The following FANCD2 variants were observed in gnomAD, a reference collection of about 807,000 sequenced individuals.
The protein encoded by FANCD2 is Fanconi anemia group D2 protein.
A neutral mutation model predicts 192.3 loss-of-function variants in FANCD2; 131 were observed. The observed-to-expected ratio is 0.68, with a 90% CI of 0.59 to 0.79. The LOEUF (loss-of-function observed/expected upper bound fraction) is 0.79. Ranked by LOEUF, FANCD2 falls within the 30% of genes least tolerant of loss-of-function variation. FANCD2 has a pLI of 0.00. For missense variants in FANCD2, 1,508 were observed against 1,701.6 expected (o/e 0.89, Z 2.00); for synonymous variants, 524 against 612.5 (o/e 0.86, Z 2.13).
chr3:10,026,978 C>CTG (rs35096513), intron 1 of FANCD2, among the ~76,000 whole-genome samples: 34,284 of 152,054 alleles, frequency 0.23, 4,985 homozygotes, highest in African/African-American at 0.42. Context: ...TGAAGCCAGA[C>CTG]TCCGAGTTAG....
intron 3 of FANCD2, among the ~76,000 whole-genome samples, chr3:10,033,463 G>T (rs2086651633): frequency 6.6e-6 from 1 of 151,962 alleles, no homozygotes; most frequent in African/African-American, 2.4e-5. Context: ...TATGTCTTAA[G>T]TAAAGCATTT....
chr3:10,082,041 A>G (rs1312184843), intron 32 of FANCD2, among the ~76,000 whole-genome samples: 2 of 152,210 alleles, frequency 1.3e-5, no homozygotes, highest in Non-Finnish European at 2.9e-5. Flanking sequence ...TTTCTGAGCT[A>G]TAGGCATTTA....
chr3:10,034,859 C>A, intron 5 of FANCD2, 61 bp downstream of exon 5: 1 of 1,200,844 alleles, frequency 8.3e-7, no homozygotes, highest in Non-Finnish European at 1.2e-6. Flanking sequence ...CTTCATGGGG[C>A]TGGGGAGGGA....
rs1398763985 is a variant in FANCD2 at position 10,081,388 on chromosome 3, G to A, written c.3148G>A (p.Val1050Met). The A allele has an allele frequency of 1.2e-6, 2 of 1,614,174 alleles. No homozygotes were observed. The highest frequency in any genetic ancestry group is 8.5e-7 in the Non-Finnish European group (1 of 1,180,010). ...ENHGVVDGPGVKVQEYHIMSS... is the reference protein window; with the variant it reads ...ENHGVVDGPGMKVQEYHIMSS... ...TCACGGTGTAGTTGATGGACCAGGA[G>A]TGAAAGTTCAGGAGTACCACATAAT... Residue 1050 changes from valine to methionine, a missense_variant, in exon 32 of 44, where the codon GTG becomes ATG. Around this residue, in one of 5 missense-constraint regions of FANCD2, gnomAD observed 796 missense variants for 879.4 expected, o/e 0.91. Transcript: ENST00000675286.
At chr3:10,051,381 A>C (rs1257676537) in intron 17 of FANCD2, among the ~76,000 whole-genome samples, 2 of 2,042 alleles carry the variant, frequency 9.8e-4, no homozygotes, top group Non-Finnish European at 2.1e-3. Context: ...ACTCCGTCTC[A>C]AAAAAAAAAA....
chr3:10,099,200 G>C (rs1423715130), intron 43 of FANCD2: 2 of 1,384,132 alleles, frequency 1.4e-6, no homozygotes, highest in South Asian at 1.6e-5. Context: ...AAATAGAAAT[G>C]TGAAAGCATT....
chr3:10,074,088 G>A (rs1374655036), intron 28 of FANCD2, among the ~76,000 whole-genome samples: 1 of 152,146 alleles, frequency 6.6e-6, no homozygotes, highest in African/African-American at 2.4e-5. Flanking sequence ...TGGGATTACA[G>A]GTATGCACCA....
rs1575787379 is a variant in FANCD2, at chr3:10,062,180, G to C, written c.1796G>C (p.Arg599Thr). ...RSESPSLTQE[R>T]ANLSDEQCTQ... ...GAATCACCTAGTTTGACCCAAGAGAGAGCCAACCTGAGCGATGAGCAGTGC... is the reference window on the plus strand; with the variant it reads ...GAATCACCTAGTTTGACCCAAGAGACAGCCAACCTGAGCGATGAGCAGTGC... Residue 599 changes from arginine to threonine, a missense_variant, in exon 20 of 44, where the codon AGA (arginine) becomes ACA (threonine). Physicochemically the swap from Arg to Thr is moderately conservative, Grantham distance 71. Transcript: ENST00000675286. 1 of 1,613,018 alleles carries C rather than the reference G, an allele frequency of 6.2e-7. No individual in the cohort carries two copies. The highest frequency in any genetic ancestry group is 1.1e-5 in the South Asian group (1 of 90,844).
intron 33 of FANCD2, among the ~76,000 whole-genome samples, chr3:10,086,675 C>T (rs143915539): frequency 1.1e-3 from 170 of 152,098 alleles, no homozygotes; most frequent in African/African-American, 3.9e-3. Context: ...GAGATGTTTT[C>T]GACATGTGGC....
chr3:10,041,458 T>C, intron 9 of FANCD2, 165 bp from the exon 10 acceptor site: 2 of 582,094 alleles, frequency 3.4e-6, no homozygotes, highest in Non-Finnish European at 6.2e-6. Context: ...GTATTATTTT[T>C]TGCAGTCAAA....
rs770808744 is a variant in FANCD2, at chr3:10,072,898, GA to G, written c.2525del (p.Asn842ThrfsTer7). On this transcript the variant is annotated frameshift_variant, in exon 27 of 44. Coordinates refer to ENST00000675286, the MANE Select transcript of FANCD2 (RefSeq NM_001018115.3). LOFTEE classifies it high-confidence loss of function. ...ACCCCAGACTATGTCCCTCCTCTTG[GA>G]AACTTTGATGTGGAAACTTTAGATA... ...AVTPDYVPPL[G>X]NFDVETLDIT... 1 of 1,610,662 alleles carries G rather than the reference GA, an allele frequency of 6.2e-7. No individual in the cohort carries two copies. The highest frequency in any genetic ancestry group is 1.1e-5 in the South Asian group (1 of 90,996).
intron 2 of FANCD2, chr3:10,032,455 G>A (rs1031454107): frequency 2.0e-5 from 6 of 296,180 alleles, no homozygotes; most frequent in African/African-American, 1.4e-4. Context: ...TAGTTTGTGT[G>A]TGGAGGGGGG....
chr3:10,101,270 A>G lies in FANCD2; in HGVS notation c.*8A>G. The G allele has an allele frequency of 1.9e-5, 31 of 1,597,678 alleles. No homozygotes were observed. Among genetic ancestry groups the G allele is most frequent in the Non-Finnish European group, 2.6e-5 (30 of 1,165,454 alleles). On this transcript the variant is annotated 3_prime_UTR_variant, in exon 44 of 44. Coordinates refer to ENST00000675286, the MANE Select transcript of FANCD2 (RefSeq NM_001018115.3). Reference sequence around the variant, plus strand: ...TATGATGACTCTGATTAGACCCCAGATAAATTGTTGCCTGCTTCTGTGTCT... The same window carrying G: ...TATGATGACTCTGATTAGACCCCAGGTAAATTGTTGCCTGCTTCTGTGTCT...
intron 42 of FANCD2, among the ~76,000 whole-genome samples, 197 bp from the exon 43 acceptor site, chr3:10,098,523 A>G (rs1275409198): frequency 6.6e-6 from 1 of 152,220 alleles, no homozygotes; most frequent in African/African-American, 2.4e-5. Context: ...TTATTGTATC[A>G]GGGCCACAGA....
intron 29 of FANCD2, among the ~76,000 whole-genome samples, chr3:10,076,793 T>G (rs1470340412): frequency 6.6e-6 from 1 of 152,216 alleles, no homozygotes; most frequent in Non-Finnish European, 1.5e-5. Flanking sequence ...TGGCACGATC[T>G]TGGCTTACTG....
intron 9 of FANCD2, 181 bp from the exon 10 acceptor site, chr3:10,041,442 G>A: frequency 1.8e-6 from 1 of 548,652 alleles, no homozygotes; most frequent in Admixed American, 3.1e-5. Context: ...TTTTTATAAT[G>A]AGCATGTATT....
At chr3:10,086,443 G>A (rs571839609) in intron 33 of FANCD2, among the ~76,000 whole-genome samples, 12 of 152,138 alleles carry the variant, frequency 7.9e-5, no homozygotes, top group African/African-American at 2.9e-4. Context: ...CCATCACTGG[G>A]TCAGCAGTCA....
In FANCD2 at chr3:10,101,574, C is replaced by A. The variant is rs745657721; in HGVS notation, c.*312C>A. The A allele has an allele frequency of 7.5e-6, 3 of 398,222 alleles. No homozygotes were observed. The South Asian group carries it at 7.6e-5, about 10-fold the overall frequency. 24.7% of individuals were successfully genotyped at this position (398,222 alleles called of 1,614,324 possible). ...CTAATTTTTGTATTTTTAGTAGATA[C>A]GGGGTTTTACCATGTCGGCCAGATG... On this transcript the variant is annotated 3_prime_UTR_variant, in exon 44 of 44. Coordinates refer to ENST00000675286, the MANE Select transcript of FANCD2 (RefSeq NM_001018115.3).
intron 43 of FANCD2, 53 bp from the exon 44 acceptor site, chr3:10,101,135 G>A: frequency 4.4e-6 from 6 of 1,353,266 alleles, no homozygotes; most frequent in Middle Eastern, 1.8e-4. Context: ...TATTCCAGAG[G>A]TCACCCAGAG....
Sources: allele counts gnomAD v4.1 joint callset (sites outside exome capture counted in the v4.1 genomes callset), GRCh38; gene constraint gnomAD v4.1.1; regional missense constraint gnomAD v4.1.1; transcripts MANE v1.5; gene names NCBI Gene and HGNC (gene_info 2026-07-23, HGNC 2026-07-21).